ELL: variants seen among roughly 807,000 people sequenced by gnomAD.
ELL encodes elongation factor for RNA polymerase II.
Under a neutral mutation model 64.0 loss-of-function variants are expected in ELL, and 18 were observed. The ratio of observed to expected loss-of-function variants is 0.28; its 90% CI spans 0.19 to 0.42. The LOEUF is 0.42. Ranked by LOEUF, ELL falls within the 10% of genes least tolerant of loss-of-function variation. The probability of loss-of-function intolerance (pLI) is 1.00; values close to 1 mark genes in which losing one functional copy is unlikely to be tolerated. For synonymous variants in ELL, 399 were observed against 376.2 expected (o/e 1.06, Z -0.70); for missense variants, 797 against 870.4 (o/e 0.92, Z 1.06).
At chr19:18,514,513 CAAAAAAAAA>C (rs557236460) in intron 1 of ELL, among the ~76,000 whole-genome samples, 2 of 39,328 alleles carry the variant, frequency 5.1e-5, no homozygotes. Flanking sequence ...GACTCCATCT[CAAAAAAAAA>C]AAAAAAAAAA....
intron 1 of ELL, among the ~76,000 whole-genome samples, chr19:18,512,769 G>A (rs1041840789): frequency 6.6e-6 from 1 of 152,126 alleles, no homozygotes; most frequent in Non-Finnish European, 1.5e-5. Context: ...TCACCTCTAG[G>A]ACAACACCTT....
chr19:18,486,625 G>GC (rs1975423785), intron 1 of ELL, among the ~76,000 whole-genome samples: 1 of 152,202 alleles, frequency 6.6e-6, no homozygotes, highest in Non-Finnish European at 1.5e-5. Flanking sequence ...TGTCACGTCA[G>GC]CCGCCTGGAT....
chr19:18,480,834 A>G (rs1975284501), intron 1 of ELL, among the ~76,000 whole-genome samples: 1 of 152,008 alleles, frequency 6.6e-6, no homozygotes. Flanking sequence ...GGGTTTTGCC[A>G]TGTTGCCCAG....
At chr19:18,509,530 C>T (rs936719893) in intron 1 of ELL, among the ~76,000 whole-genome samples, 2 of 151,614 alleles carry the variant, frequency 1.3e-5, no homozygotes, top group East Asian at 3.9e-4. Flanking sequence ...ATAGAGGGGC[C>T]CAACCTAAGG....
At chr19:18,512,570 C>T (rs1221874356) in intron 1 of ELL, among the ~76,000 whole-genome samples, 1 of 152,096 alleles carries the variant, frequency 6.6e-6, no homozygotes, top group African/African-American at 2.4e-5. Context: ...GCCTGGGAGG[C>T]AGAGGTTGCA....
intron 5 of ELL, 49 bp downstream of exon 5, chr19:18,461,529 C>A: frequency 6.4e-7 from 1 of 1,552,826 alleles, no homozygotes; most frequent in South Asian, 1.2e-5. Context: ...CCGCACAAGA[C>A]CATCTGCGGA....
At chr19:18,462,697 T>C (rs1391513981) in intron 4 of ELL, among the ~76,000 whole-genome samples, 1 of 152,156 alleles carries the variant, frequency 6.6e-6, no homozygotes. Flanking sequence ...CAGGGGCTGT[T>C]TGTAAACCCT....
intron 1 of ELL, among the ~76,000 whole-genome samples, chr19:18,495,997 G>A (rs573981376): frequency 3.7e-4 from 56 of 152,324 alleles, no homozygotes; most frequent in Non-Finnish European, 3.4e-4. Flanking sequence ...CACAGTGGGC[G>A]TTTGGAGGTG....
At chr19:18,518,251 G>A (rs1976171197) in intron 1 of ELL, among the ~76,000 whole-genome samples, 1 of 152,158 alleles carries the variant, frequency 6.6e-6, no homozygotes. Flanking sequence ...TGTAATTACA[G>A]CACTTTGGGA....
At chr19:18,483,499 T>C (rs1975349090) in intron 1 of ELL, among the ~76,000 whole-genome samples, 1 of 152,108 alleles carries the variant, frequency 6.6e-6, no homozygotes, top group African/African-American at 2.4e-5. Context: ...CAAGGACTCG[T>C]GGTACCACAG....
At chr19:18,446,061 T>G (rs1600417790) in intron 10 of ELL, 1 of 510,532 alleles carries the variant, frequency 2.0e-6, no homozygotes, top group South Asian at 2.8e-5. Context: ...TCCAAGGAGG[T>G]GGGTCACAGC....
chr19:18,472,436 A>G (rs1193421918), intron 2 of ELL: 1 of 215,098 alleles, frequency 4.6e-6, no homozygotes, highest in Non-Finnish European at 9.1e-6. Context: ...GTAAGAATCT[A>G]ATAACAGGCT....
At chr19:18,456,176 T>G (rs1350938747) in intron 6 of ELL, among the ~76,000 whole-genome samples, 2 of 151,496 alleles carry the variant, frequency 1.3e-5, no homozygotes, top group Admixed American at 6.6e-5. Flanking sequence ...TGAGGTGGTG[T>G]GCAGTAGGAT....
chr19:18,461,924 G>A (rs1182746743), intron 4 of ELL, 72 bp from the exon 5 acceptor site: 10 of 1,545,480 alleles, frequency 6.5e-6, no homozygotes, highest in Non-Finnish European at 8.8e-6. Flanking sequence ...TGCTGACCAG[G>A]TGCCCAGAGG....
At chr19:18,447,329 T>C (rs1974436816) in intron 8 of ELL, among the ~76,000 whole-genome samples, 1 of 152,242 alleles carries the variant, frequency 6.6e-6, no homozygotes, top group African/African-American at 2.4e-5. Flanking sequence ...CCTGCATCTC[T>C]TGCTGCTGAC....
At chr19:18,514,763 A>T (rs1375751116) in intron 1 of ELL, among the ~76,000 whole-genome samples, 4 of 152,310 alleles carry the variant, frequency 2.6e-5, no homozygotes, top group Non-Finnish European at 5.9e-5. Context: ...ACCCTAAAAC[A>T]AAGGACACAG....
intron 1 of ELL, among the ~76,000 whole-genome samples, chr19:18,476,508 A>G (rs1161014087): frequency 7.9e-6 from 1 of 126,930 alleles, no homozygotes; most frequent in African/African-American, 2.9e-5. Flanking sequence ...CCTGTGGGCC[A>G]CGCCATCCAG....
intron 11 of ELL, 55 bp from the exon 12 acceptor site, chr19:18,444,923 G>A (rs540455135): frequency 3.8e-5 from 59 of 1,543,528 alleles, no homozygotes; most frequent in Admixed American, 7.3e-5. Context: ...GCTGCTCCCC[G>A]CTGTAAGCAG....
Position 18,444,475 on chromosome 19 carries a change from C to G in ELL, c.*277G>C, listed in dbSNP as rs906541831. 7.2e-6 allele frequency: 3 copies of G among 416,066 alleles called. No individual in the cohort carries two copies. In the South Asian group the frequency reaches 1.3e-4, roughly 19 times the overall value. 25.8% of individuals were successfully genotyped at this position (416,066 alleles called of 1,614,324 possible). A position where few individuals can be genotyped will look rare whatever the true frequency, so the allele number is the denominator to read the frequency against. ...CCCCAAGGGCCTAGGAGTCTTCTGG[C>G]GAGACAGGAGGCTGAACCCCGGAGG... On this transcript the variant is annotated 3_prime_UTR_variant, in exon 12 of 12. Coordinates refer to ENST00000262809, the MANE Select transcript of ELL (RefSeq NM_006532.4).
Sources: gnomAD v4.1 joint callset for allele counts (sites outside exome capture counted in the v4.1 genomes callset) on GRCh38, gnomAD v4.1.1 for gene constraint, MANE v1.5 for transcripts, NCBI Gene and HGNC (gene_info 2026-07-23, HGNC 2026-07-21) for gene names.